Variants in DGKB observed in about 807,000 individuals in gnomAD.
DGKB encodes the protein diacylglycerol kinase beta.
A neutral mutation model predicts 114.3 loss-of-function variants in DGKB; 67 were observed. That is an observed-to-expected ratio of 0.59 (90% CI 0.48 to 0.72). DGKB has a LOEUF of 0.72. DGKB is among the 30% of genes least tolerant of loss of function. The pLI, the probability that DGKB is intolerant of heterozygous loss-of-function variation, is 0.00. For synonymous variants in DGKB, 398 were observed against 323.1 expected, an observed-to-expected ratio of 1.23 and a Z score of -2.49; for missense variants, 907 against 975.2, an observed-to-expected ratio of 0.93 and a Z score of 0.93.
At chr7:14,813,469 A>T (rs1050789234) in intron 2 of DGKB, among the ~76,000 whole-genome samples, 1 of 152,142 alleles carries the variant, frequency 6.6e-6, no homozygotes, top group Non-Finnish European at 1.5e-5. Flanking sequence ...ACCAGAATTG[A>T]TGGCTGTGGA....
intron 14 of DGKB, 37 bp from the exon 15 acceptor site, chr7:14,621,531 G>T: frequency 8.1e-7 from 1 of 1,227,950 alleles, no homozygotes; most frequent in Non-Finnish European, 1.2e-6. Flanking sequence ...ATAAAAATTA[G>T]GAAAATAACA....
chr7:14,942,453 T>G (rs1785619680), intron 1 of DGKB, among the ~76,000 whole-genome samples: 1 of 151,952 alleles, frequency 6.6e-6, no homozygotes. Flanking sequence ...TCGCTTAACC[T>G]TACTTTAAAG....
intron 21 of DGKB, among the ~76,000 whole-genome samples, chr7:14,363,026 T>C (rs1816027430): frequency 6.6e-6 from 1 of 152,098 alleles, no homozygotes; most frequent in African/African-American, 2.4e-5. Flanking sequence ...CTTCCCCCTC[T>C]TGGAGCATTG....
chr7:14,406,813 T>A (rs1159819027), intron 21 of DGKB, among the ~76,000 whole-genome samples: 1 of 152,140 alleles, frequency 6.6e-6, no homozygotes, highest in Admixed American at 6.6e-5. Flanking sequence ...TCAAGTTATA[T>A]ACAATTTTCT....
In DGKB at chr7:14,188,382, C is replaced by G. The variant is rs182225656; in HGVS notation, c.2123-10231G>C. On this transcript the variant is annotated intron_variant, in intron 23 of 25. Coordinates refer to ENST00000402815, the MANE Select transcript of DGKB (RefSeq NM_001350709.2). ...GGAAGTTAAAAGATCCCCAATTGGCCGGGCGCGGTGGCTCACGCCTGTAAT... is the reference window on the plus strand; with the variant it reads ...GGAAGTTAAAAGATCCCCAATTGGCGGGGCGCGGTGGCTCACGCCTGTAAT... Among the ~76,000 whole-genome samples the G allele has an allele frequency of 1.7e-5, 2 of 120,504 alleles. 1 individual carries two copies. Among genetic ancestry groups the G allele is most frequent in the Admixed American group, 2.0e-4 (2 of 10,016 alleles). The allele number at this position is 120,504 out of a possible 152,430, so 79.1% of individuals were successfully genotyped here. A position where few individuals can be genotyped will look rare whatever the true frequency, so the allele number is the denominator to read the frequency against.
intron 13 of DGKB, among the ~76,000 whole-genome samples, chr7:14,657,688 T>G (rs977687511): frequency 6.6e-6 from 1 of 151,910 alleles, no homozygotes; most frequent in Admixed American, 6.6e-5. Context: ...CTTAGTTAGT[T>G]ATATGTTCAC....
At chr7:14,425,869 A>C (rs529284256) in intron 21 of DGKB, among the ~76,000 whole-genome samples, 15 of 152,306 alleles carry the variant, frequency 9.8e-5, no homozygotes, top group Non-Finnish European at 1.8e-4. Context: ...ACTTTAAGTC[A>C]GTATTACAGC....
chr7:14,472,165 A>G (rs987297540), intron 21 of DGKB, among the ~76,000 whole-genome samples: 1 of 152,200 alleles, frequency 6.6e-6, no homozygotes, highest in Admixed American at 6.5e-5. Context: ...AAATCTTTGT[A>G]AGACCACCTG....
chr7:14,196,459 C>T lies in DGKB; in HGVS notation c.2123-18308G>A, dbSNP rs149655556. Among the ~76,000 whole-genome samples the T allele has an allele frequency of 4.0e-3, 608 of 152,134 alleles. 2 individuals carry two copies. The highest frequency in any genetic ancestry group is 0.014 in the African/African-American group (578 of 41,536). ...CTTCTATTTTCTATATTTTTCTCCT[C>T]CCCCCACACTCCCTTTCTTTTGAAG... On this transcript the variant is annotated intron_variant, in intron 23 of 25. Transcript: ENST00000402815.
intron 1 of DGKB, among the ~76,000 whole-genome samples, chr7:14,937,042 A>G (rs1785307744): frequency 6.9e-6 from 1 of 144,558 alleles, no homozygotes; most frequent in African/African-American, 2.6e-5. Context: ...ACACACACAC[A>G]CACACACACA....
chr7:14,272,340 A>G lies in DGKB; in HGVS notation c.2122+66175T>C, dbSNP rs548902835. Among the ~76,000 whole-genome samples the G allele has an allele frequency of 3.3e-5, 5 of 152,302 alleles. No homozygotes were observed. The East Asian group carries it at 9.7e-4, about 29-fold the overall frequency. On this transcript the variant is annotated intron_variant, in intron 23 of 25. Coordinates refer to ENST00000402815, the MANE Select transcript of DGKB (RefSeq NM_001350709.2). ...TAACACTCTTTTTGAAAAATTCTACACAAATGCCAGGCATCATTATTAGCA... is the reference window on the plus strand; with the variant it reads ...TAACACTCTTTTTGAAAAATTCTACGCAAATGCCAGGCATCATTATTAGCA...
intron 1 of DGKB, among the ~76,000 whole-genome samples, chr7:14,931,112 A>AC (rs1784993211): frequency 7.3e-6 from 1 of 136,684 alleles, no homozygotes; most frequent in Non-Finnish European, 1.6e-5. Context: ...GTTTGCTAGT[A>AC]TTTTTTTTTT....
chr7:14,570,046 C>T (rs1462155094), intron 20 of DGKB, among the ~76,000 whole-genome samples: 1 of 151,020 alleles, frequency 6.6e-6, no homozygotes, highest in African/African-American at 2.4e-5. Context: ...GCTATAATCT[C>T]ATACTAGTCA....
chr7:14,345,783 A>C (rs1812380196), intron 21 of DGKB, among the ~76,000 whole-genome samples: 1 of 151,688 alleles, frequency 6.6e-6, no homozygotes. Context: ...ATATAGAATA[A>C]AATAACTAAG....
intron 1 of DGKB, among the ~76,000 whole-genome samples, chr7:14,931,924 G>C (rs1785039014): frequency 1.3e-5 from 2 of 152,120 alleles, no homozygotes; most frequent in Admixed American, 6.5e-5. Context: ...ACTGGCTGCA[G>C]GAGTCCATTC....
At chr7:14,485,006 T>C (rs919265661) in intron 20 of DGKB, among the ~76,000 whole-genome samples, 1 of 151,226 alleles carries the variant, frequency 6.6e-6, no homozygotes, top group Non-Finnish European at 1.5e-5. Flanking sequence ...CCATTTACAA[T>C]GGCAAAAGTA....
chr7:14,215,690 T>A (rs1788838671), intron 23 of DGKB, among the ~76,000 whole-genome samples: 1 of 151,854 alleles, frequency 6.6e-6, no homozygotes. Flanking sequence ...TAATTCATGG[T>A]TGAGGTAGGA....
At chr7:14,767,437 G>A (rs1241652009) in intron 2 of DGKB, among the ~76,000 whole-genome samples, 1 of 151,752 alleles carries the variant, frequency 6.6e-6, no homozygotes, top group African/African-American at 2.4e-5. Context: ...CCTTAGGCTG[G>A]GATTAGTAGC....
At chr7:14,265,443 CT>C (rs112341854) in intron 23 of DGKB, among the ~76,000 whole-genome samples, 23,925 of 150,420 alleles carry the variant, frequency 0.16, 2,171 homozygotes, top group East Asian at 0.25. Flanking sequence ...ACATTTCCCC[CT>C]AATCCTGTGA....
Sources: gnomAD v4.1 joint callset for allele counts (sites outside exome capture counted in the v4.1 genomes callset) on GRCh38, gnomAD v4.1.1 for gene constraint, MANE v1.5 for transcripts, NCBI Gene and HGNC (gene_info 2026-07-23, HGNC 2026-07-21) for gene names.